Variants in NBEA observed in about 807,000 individuals in gnomAD.
NBEA encodes neurobeachin, also known as lysosomal-trafficking regulator 2.
A neutral mutation model predicts 343.4 loss-of-function variants in NBEA; 44 were observed. The ratio of observed to expected loss-of-function variants is 0.13; its 90% CI spans 0.10 to 0.16. The LOEUF (loss-of-function observed/expected upper bound fraction) is 0.16. Ranked by LOEUF, NBEA falls within the 10% of genes least tolerant of loss-of-function variation. The pLI is 1.00. For synonymous variants in NBEA, 1,175 were observed against 1,238.7 expected (o/e 0.95, Z 1.08); for missense variants, 2,555 against 3,631.3 (o/e 0.70, Z 7.62).
intron 36 of NBEA, among the ~76,000 whole-genome samples, chr13:35,338,646 G>A (rs55891610): frequency 0.046 from 7,011 of 152,040 alleles, 205 homozygotes; most frequent in South Asian, 0.079. Context: ...ACCAAACCCA[G>A]ATAAAGTCGT....
At chr13:35,668,124 T>A (rs772193213) in intron 57 of NBEA, among the ~76,000 whole-genome samples, 4 of 152,216 alleles carry the variant, frequency 2.6e-5, no homozygotes, top group Non-Finnish European at 5.9e-5. Context: ...GGGAATTTAA[T>A]CTTGGTTTTA....
chr13:35,316,931 C>T (rs2037778808), intron 36 of NBEA, among the ~76,000 whole-genome samples: 1 of 151,954 alleles, frequency 6.6e-6, no homozygotes, highest in Non-Finnish European at 1.5e-5. Context: ...CTGTTCATAT[C>T]CTTCGCCCTC....
intron 41 of NBEA, among the ~76,000 whole-genome samples, chr13:35,493,597 A>G (rs2076573865): frequency 6.6e-6 from 1 of 151,938 alleles, no homozygotes; most frequent in Non-Finnish European, 1.5e-5. Flanking sequence ...TTTTCATATC[A>G]TATAACTTTC....
chr13:35,526,975 T>C (rs766637892), intron 41 of NBEA, among the ~76,000 whole-genome samples: 12 of 151,884 alleles, frequency 7.9e-5, no homozygotes, highest in Non-Finnish European at 1.6e-4. Context: ...CAACCATGGC[T>C]CAGGGAGCCC....
intron 35 of NBEA, among the ~76,000 whole-genome samples, chr13:35,298,209 GTGTATATATATATATATATATATA>G (rs2036279051): frequency 1.6e-5 from 1 of 60,836 alleles, no homozygotes; most frequent in African/African-American, 4.1e-5. Context: ...GTGTGTGTGT[GTGTATATATATATATATATATATA>G]TATATATATA....
At chr13:35,471,374 G>T (rs1046561812) in intron 40 of NBEA, among the ~76,000 whole-genome samples, 1 of 152,136 alleles carries the variant, frequency 6.6e-6, no homozygotes, top group African/African-American at 2.4e-5. Flanking sequence ...GCCTTTCTCC[G>T]ACTGTTATTG....
chr13:35,597,928 G>T (rs562567204), intron 47 of NBEA, among the ~76,000 whole-genome samples: 1 of 152,138 alleles, frequency 6.6e-6, no homozygotes, highest in Admixed American at 6.5e-5. Context: ...ACTGAGGGTG[G>T]AGGGATTACT....
chr13:35,431,398 G>A (rs908809550), intron 38 of NBEA, among the ~76,000 whole-genome samples: 5 of 151,776 alleles, frequency 3.3e-5, no homozygotes, highest in African/African-American at 1.2e-4. Context: ...CTTAAGCAGT[G>A]GTATTTATTA....
intron 36 of NBEA, among the ~76,000 whole-genome samples, chr13:35,326,180 G>A (rs73169736): frequency 0.046 from 7,002 of 152,084 alleles, 202 homozygotes; most frequent in South Asian, 0.079. Flanking sequence ...TTCTAAATCT[G>A]TGAAAAAATG....
chr13:35,249,343 G>A (rs2031669968), intron 34 of NBEA, among the ~76,000 whole-genome samples: 1 of 152,102 alleles, frequency 6.6e-6, no homozygotes, highest in Admixed American at 6.5e-5. Context: ...CCTATGGAAA[G>A]GGAGAAAATA....
intron 38 of NBEA, among the ~76,000 whole-genome samples, chr13:35,425,987 T>C (rs1398826920): frequency 6.6e-6 from 1 of 152,214 alleles, no homozygotes; most frequent in East Asian, 1.9e-4. Flanking sequence ...TTTTTCTGTT[T>C]TCCATTTGCT....
At chr13:35,614,501 TTG>T in intron 48 of NBEA, among the ~76,000 whole-genome samples, 1 of 152,180 alleles carries the variant, frequency 6.6e-6, no homozygotes. Context: ...AGATAATTCA[TTG>T]TATCAAGCCC....
rs759414880 is a variant in NBEA at position 35,583,892 on chromosome 13, T to C, written c.7036-6T>C. 14 of 1,603,106 alleles carry C rather than the reference T, an allele frequency of 8.7e-6. No homozygotes were observed. In the South Asian group the frequency reaches 1.6e-4, roughly 18 times the overall value. On this transcript the variant is annotated splice_polypyrimidine_tract_variant and splice_region_variant and intron_variant, in intron 45 of 58. Transcript: ENST00000379939. ...ATTAAACAAAATATTTTTTTTCTTT[T>C]AATAGCCAATTGGTGCTTTGAACCC...
At chr13:35,550,337 C>T in intron 41 of NBEA, 140 bp from the exon 42 acceptor site, 1 of 540,140 alleles carries the variant, frequency 1.9e-6, no homozygotes, top group East Asian at 3.1e-5. Context: ...TTTGCAAATA[C>T]ACAGTATCAA....
chr13:35,440,082 G>A (rs1026436534), intron 39 of NBEA, among the ~76,000 whole-genome samples: 2 of 152,162 alleles, frequency 1.3e-5, no homozygotes, highest in South Asian at 2.1e-4. Flanking sequence ...GTTTCACCAT[G>A]TTGGCCAGGC....
At chr13:35,608,538 A>G (rs2082376519) in intron 48 of NBEA, among the ~76,000 whole-genome samples, 1 of 152,154 alleles carries the variant, frequency 6.6e-6, no homozygotes, top group South Asian at 2.1e-4. Context: ...ATTCCATTGT[A>G]GCTCCAGAGC....
chr13:35,497,815 C>T (rs1273950409), intron 41 of NBEA, among the ~76,000 whole-genome samples: 1 of 151,784 alleles, frequency 6.6e-6, no homozygotes. Flanking sequence ...TATGCCTTTC[C>T]ACTAATTTTC....
At chr13:35,198,430 TTTTTGTTTTA>T (rs2072779149) in intron 31 of NBEA, among the ~76,000 whole-genome samples, 1 of 152,138 alleles carries the variant, frequency 6.6e-6, no homozygotes, top group Admixed American at 6.5e-5. Context: ...TAAGTAAAAT[TTTTTGTTTTA>T]ATTTGGATTA....
chr13:35,294,011 C>T (rs1479858799), intron 35 of NBEA, among the ~76,000 whole-genome samples: 1 of 152,028 alleles, frequency 6.6e-6, no homozygotes, highest in Non-Finnish European at 1.5e-5. Flanking sequence ...TCTACTCTTA[C>T]TGAAAAGCTA....
Sources: allele counts gnomAD v4.1 joint callset (sites outside exome capture counted in the v4.1 genomes callset), GRCh38; gene constraint gnomAD v4.1.1; transcripts MANE v1.5; gene names NCBI Gene and HGNC (gene_info 2026-07-23, HGNC 2026-07-21).